The following CACNA2D3 variants were observed in gnomAD, a reference collection of about 807,000 sequenced individuals.
CACNA2D3 encodes voltage-dependent calcium channel subunit alpha-2/delta-3.
A neutral mutation model predicts 160.6 loss-of-function variants in CACNA2D3; 60 were observed. That is an observed-to-expected ratio of 0.37 (90% CI 0.30 to 0.46). CACNA2D3 has a LOEUF of 0.46. Among genes scored for constraint, CACNA2D3 ranks in the 20% least tolerant of loss-of-function variants. CACNA2D3 has a pLI of 1.00. For synonymous variants in CACNA2D3, 558 were observed against 492.9 expected, an observed-to-expected ratio of 1.13 and a Z score of -1.75; for missense variants, 1,205 against 1,365.0, an observed-to-expected ratio of 0.88 and a Z score of 1.85.
At chr3:54,543,891 G>A (rs188654080) in intron 5 of CACNA2D3, among the ~76,000 whole-genome samples, 115 of 152,288 alleles carry the variant, frequency 7.6e-4, no homozygotes, top group African/African-American at 2.6e-3. Context: ...AATAGTTTTG[G>A]AGAGATTTAA....
chr3:54,313,237 C>G (rs1022147655), intron 2 of CACNA2D3, among the ~76,000 whole-genome samples: 1 of 152,082 alleles, frequency 6.6e-6, no homozygotes, highest in Non-Finnish European at 1.5e-5. Context: ...AGCCAGCTGG[C>G]CCAAAGTGTT....
chr3:54,844,221 G>C (rs1698883958), intron 16 of CACNA2D3, among the ~76,000 whole-genome samples: 1 of 152,156 alleles, frequency 6.6e-6, no homozygotes, highest in Non-Finnish European at 1.5e-5. Context: ...CGAGGAAGAG[G>C]AAGCAATGGG....
intron 9 of CACNA2D3, among the ~76,000 whole-genome samples, chr3:54,592,083 A>T (rs1702870493): frequency 1.3e-5 from 2 of 152,196 alleles, no homozygotes; most frequent in Admixed American, 1.3e-4. Flanking sequence ...GACAGCTGGG[A>T]TTATGATGTT....
chr3:54,479,111 C>G (rs1040263487), intron 4 of CACNA2D3, among the ~76,000 whole-genome samples: 13 of 151,952 alleles, frequency 8.6e-5, no homozygotes, highest in African/African-American at 3.1e-4. Flanking sequence ...CCATGCTGTT[C>G]TCTTGATAGT....
intron 35 of CACNA2D3, among the ~76,000 whole-genome samples, chr3:55,028,547 G>A (rs1231809127): frequency 6.6e-6 from 1 of 152,148 alleles, no homozygotes; most frequent in African/African-American, 2.4e-5. Flanking sequence ...CTATTTTCCA[G>A]TATGTTTCTT....
chr3:55,004,279 T>C (rs570214756), intron 31 of CACNA2D3, among the ~76,000 whole-genome samples: 6 of 152,320 alleles, frequency 3.9e-5, no homozygotes, highest in African/African-American at 1.4e-4. Context: ...ACTTTGTCAA[T>C]GTACAGGGCT....
intron 2 of CACNA2D3, among the ~76,000 whole-genome samples, chr3:54,254,304 T>C (rs986505126): frequency 3.3e-5 from 5 of 152,180 alleles, no homozygotes; most frequent in African/African-American, 7.2e-5. Context: ...TGGTTCATTA[T>C]CTTACAATCC....
intron 35 of CACNA2D3, among the ~76,000 whole-genome samples, chr3:55,049,056 C>A (rs548136520): frequency 6.6e-6 from 1 of 151,314 alleles, no homozygotes; most frequent in East Asian, 1.9e-4. Flanking sequence ...AAAACCAGCT[C>A]CTGGATTCAT....
chr3:54,215,720 G>A (rs1250095813), intron 2 of CACNA2D3, among the ~76,000 whole-genome samples: 2 of 152,102 alleles, frequency 1.3e-5, no homozygotes, highest in South Asian at 4.1e-4. Context: ...CAAAGTCACC[G>A]GCTCACAAAA....
At chr3:55,018,440 G>C (rs770344351) in intron 35 of CACNA2D3, 123 bp downstream of exon 35, 1 of 631,644 alleles carries the variant, frequency 1.6e-6, no homozygotes, top group South Asian at 1.9e-5. Context: ...GCCCTCTTGC[G>C]TAAGGAAGTA....
At chr3:54,472,957 C>G (rs2106878079) in intron 4 of CACNA2D3, among the ~76,000 whole-genome samples, 1 of 152,236 alleles carries the variant, frequency 6.6e-6, no homozygotes, top group South Asian at 2.1e-4. Context: ...GCCATAATGC[C>G]CAAAGTAATT....
chr3:54,686,994 G>A (rs1446872503), intron 11 of CACNA2D3, among the ~76,000 whole-genome samples: 1 of 152,118 alleles, frequency 6.6e-6, no homozygotes, highest in South Asian at 2.1e-4. Flanking sequence ...TTTTGACCCG[G>A]AGTCATTGTA....
chr3:55,040,410 A>G (rs1210604933), intron 35 of CACNA2D3, among the ~76,000 whole-genome samples: 2 of 152,220 alleles, frequency 1.3e-5, no homozygotes, highest in Admixed American at 6.5e-5. Flanking sequence ...TCAAATATCC[A>G]TATCAATATT....
At chr3:54,295,666 G>T (rs2107483336) in intron 2 of CACNA2D3, among the ~76,000 whole-genome samples, 1 of 152,306 alleles carries the variant, frequency 6.6e-6, no homozygotes, top group Middle Eastern at 3.4e-3. Context: ...GCCTTAGTTA[G>T]TCTAGCTTAG....
At chr3:54,146,898 C>T (rs9819849) in intron 2 of CACNA2D3, among the ~76,000 whole-genome samples, 2,539 of 152,334 alleles carry the variant, frequency 0.017, 66 homozygotes, top group African/African-American at 0.057. Context: ...CCAGGCTGCA[C>T]GCCTGCCCCT....
chr3:54,131,958 A>G lies in CACNA2D3; in HGVS notation c.204+8364A>G, dbSNP rs549330571. Among the ~76,000 whole-genome samples the G allele has an allele frequency of 6.1e-4, 93 of 151,562 alleles. 2 individuals carry two copies. Among genetic ancestry groups the G allele is most frequent in the African/African-American group, 2.2e-3 (90 of 41,444 alleles). ...AACGCCTTTTCCATTGTATTGTTTG[A>G]GGCAGAGGTGGAACAATATTGTAAA... On this transcript the variant is annotated intron_variant, in intron 2 of 37. Coordinates refer to ENST00000474759, the MANE Select transcript of CACNA2D3 (RefSeq NM_018398.3).
chr3:54,496,242 T>A (rs940683732), intron 4 of CACNA2D3, among the ~76,000 whole-genome samples: 76 of 152,318 alleles, frequency 5.0e-4, no homozygotes, highest in African/African-American at 1.7e-3. Context: ...TTTTCCAAAG[T>A]GTTTGTACCA....
intron 11 of CACNA2D3, among the ~76,000 whole-genome samples, chr3:54,682,740 C>T (rs1344249886): frequency 2.0e-5 from 3 of 152,102 alleles, no homozygotes; most frequent in Non-Finnish European, 4.4e-5. Flanking sequence ...AAAGCTACAT[C>T]TGGAAAGGAA....
At chr3:55,051,799 A>G (rs935311144) in intron 35 of CACNA2D3, among the ~76,000 whole-genome samples, 2 of 151,958 alleles carry the variant, frequency 1.3e-5, no homozygotes, top group African/African-American at 4.8e-5. Flanking sequence ...GTGGGATATA[A>G]TCTCGTGGTG....
Sources: gnomAD v4.1 joint callset for allele counts (sites outside exome capture counted in the v4.1 genomes callset) on GRCh38, gnomAD v4.1.1 for gene constraint, MANE v1.5 for transcripts, NCBI Gene and HGNC (gene_info 2026-07-23, HGNC 2026-07-21) for gene names.